Variants in AP2B1 observed in about 807,000 individuals in gnomAD.
AP2B1 encodes the protein AP-2 complex subunit beta.
Under a neutral mutation model 102.0 loss-of-function variants are expected in AP2B1, and 23 were observed. That is an observed-to-expected ratio of 0.23 (90% CI 0.16 to 0.32). AP2B1 has a LOEUF of 0.32. AP2B1 is among the 10% of genes least tolerant of loss of function. AP2B1 has a pLI of 1.00. For missense variants in AP2B1, 541 were observed against 1,157.4 expected (o/e 0.47, Z 7.73); for synonymous variants, 381 against 421.2 (o/e 0.90, Z 1.17).
chr17:35,707,054 T>C (rs2076354922), intron 18 of AP2B1, among the ~76,000 whole-genome samples: 1 of 152,188 alleles, frequency 6.6e-6, no homozygotes, highest in Non-Finnish European at 1.5e-5. Flanking sequence ...ACCTGCCAAG[T>C]ACCAGATGAG....
intron 14 of AP2B1, among the ~76,000 whole-genome samples, chr17:35,669,185 C>T (rs961376899): frequency 6.7e-6 from 1 of 149,006 alleles, no homozygotes; most frequent in African/African-American, 2.5e-5. Flanking sequence ...CTCTTGTTGC[C>T]GAGGATGAAG....
chr17:35,696,413 CTTTTTTTTT>C (rs71366474), intron 18 of AP2B1, among the ~76,000 whole-genome samples: 2 of 131,270 alleles, frequency 1.5e-5, no homozygotes, highest in Admixed American at 7.8e-5. Flanking sequence ...GGAATAAGTT[CTTTTTTTTT>C]TTTTTTTTTT....
At chr17:35,617,313 C>T (rs1454664620) in intron 5 of AP2B1, among the ~76,000 whole-genome samples, 1 of 152,166 alleles carries the variant, frequency 6.6e-6, no homozygotes, top group Non-Finnish European at 1.5e-5. Flanking sequence ...GCCTCAGCCT[C>T]CCAAAGTGCT....
At chr17:35,649,566 G>A (rs556217010) in intron 12 of AP2B1, among the ~76,000 whole-genome samples, 5 of 152,076 alleles carry the variant, frequency 3.3e-5, no homozygotes, top group African/African-American at 4.8e-5. Context: ...CACCGCGCCC[G>A]GCCCTAGTTT....
intron 12 of AP2B1, among the ~76,000 whole-genome samples, chr17:35,646,045 T>C (rs1328190512): frequency 2.0e-5 from 3 of 152,342 alleles, no homozygotes; most frequent in South Asian, 2.1e-4. Flanking sequence ...CTCTGAAGTA[T>C]GGCCCCTGGG....
At chr17:35,679,898 T>C (rs587711120) in intron 17 of AP2B1, among the ~76,000 whole-genome samples, 11 of 151,580 alleles carry the variant, frequency 7.3e-5, no homozygotes, top group Non-Finnish European at 1.0e-4. Flanking sequence ...TTAGCCACTC[T>C]AACTCTTGGA....
At chr17:35,610,568 G>C (rs571967976) in intron 5 of AP2B1, among the ~76,000 whole-genome samples, 1 of 141,198 alleles carries the variant, frequency 7.1e-6, no homozygotes, top group African/African-American at 2.7e-5. Context: ...TTTGAGACCA[G>C]CCTGGGCAAC....
At chr17:35,705,993 T>C (rs587679771) in intron 18 of AP2B1, among the ~76,000 whole-genome samples, 32 of 152,270 alleles carry the variant, frequency 2.1e-4, no homozygotes, top group Non-Finnish European at 4.4e-4. Context: ...ACTGTCAGAG[T>C]CAGAATTTGA....
chr17:35,633,170 G>C (rs770959619), intron 9 of AP2B1, among the ~76,000 whole-genome samples: 2 of 151,996 alleles, frequency 1.3e-5, no homozygotes, highest in Non-Finnish European at 2.9e-5. Flanking sequence ...AGACATCCTG[G>C]TCAACATGGT....
chr17:35,645,327 T>C (rs1422783923), intron 12 of AP2B1, among the ~76,000 whole-genome samples: 1 of 152,230 alleles, frequency 6.6e-6, no homozygotes. Context: ...GCTTTTCTTC[T>C]GTCTCTATAG....
At chr17:35,670,795 C>T in intron 14 of AP2B1, 62 bp from the exon 15 acceptor site, 3 of 1,505,154 alleles carry the variant, frequency 2.0e-6, no homozygotes, top group Admixed American at 1.7e-5. Flanking sequence ...TCTATATGGG[C>T]ATCTAGTATT....
At chr17:35,625,572 A>G (rs1254523562) in intron 6 of AP2B1, among the ~76,000 whole-genome samples, 1 of 152,164 alleles carries the variant, frequency 6.6e-6, no homozygotes, top group Non-Finnish European at 1.5e-5. Flanking sequence ...CTCTGAGGAT[A>G]CAGCAGTGAA....
chr17:35,641,794 T>TGGG, intron 11 of AP2B1, 83 bp from the exon 12 acceptor site: 1 of 1,015,726 alleles, frequency 9.8e-7, no homozygotes, highest in Non-Finnish European at 1.5e-6. Context: ...AATTCATAGT[T>TGGG]GGGGAAACAC....
chr17:35,611,634 T>C (rs1465834484), intron 5 of AP2B1, among the ~76,000 whole-genome samples: 4 of 152,214 alleles, frequency 2.6e-5, no homozygotes, highest in African/African-American at 9.7e-5. Context: ...TTTCATCTAG[T>C]CCATAAAATC....
At chr17:35,659,872 C>A (rs755282894) in intron 14 of AP2B1, 1 of 985,026 alleles carries the variant, frequency 1.0e-6, no homozygotes, top group African/African-American at 1.7e-5. Context: ...GCTTTGGATC[C>A]GTATGTGGTT....
chr17:35,683,407 AAAT>A (rs1387578051), intron 18 of AP2B1, among the ~76,000 whole-genome samples: 2 of 152,200 alleles, frequency 1.3e-5, no homozygotes, highest in African/African-American at 4.8e-5. Context: ...TTTTATAGCA[AAAT>A]TTGAATGTCA....
chr17:35,625,261 T>C (rs1316736710), intron 6 of AP2B1, among the ~76,000 whole-genome samples: 1 of 152,210 alleles, frequency 6.6e-6, no homozygotes. Flanking sequence ...TGAAGAAATG[T>C]TGGCTCTTCA....
Position 35,725,703 on chromosome 17 carries a change from A to G in AP2B1, c.*2004A>G, listed in dbSNP as rs1568078510. ...CTTCTTGGGACTTATTCCTGGAGTC[A>G]GTGGATACAAGTAGTGCAGAAGGTT... is the stretch of plus-strand genomic sequence containing the variant. On this transcript the variant is annotated 3_prime_UTR_variant, in exon 22 of 22. Transcript: ENST00000610402. 6.5e-6 allele frequency: 1 copy of G among 152,692 alleles called. No homozygotes were observed. The highest frequency in any genetic ancestry group is 1.9e-4 in the East Asian group (1 of 5,198). 9.5% of individuals were successfully genotyped at this position (152,692 alleles called of 1,614,324 possible).
intron 18 of AP2B1, 85 bp from the exon 19 acceptor site, chr17:35,709,139 G>C: frequency 1.8e-6 from 2 of 1,126,970 alleles, no homozygotes; most frequent in Non-Finnish European, 2.7e-6. Flanking sequence ...AAATAGGGAG[G>C]CCTATTTCTA....
Sources: gnomAD v4.1 joint callset for allele counts (sites outside exome capture counted in the v4.1 genomes callset) on GRCh38, gnomAD v4.1.1 for gene constraint, MANE v1.5 for transcripts, NCBI Gene and HGNC (gene_info 2026-07-23, HGNC 2026-07-21) for gene names.